The following ZNF267 variants were observed in gnomAD, a reference collection of about 807,000 sequenced individuals.
ZNF267 encodes zinc finger (C2H2).
ZNF267 carries 61 observed loss-of-function variants against 71.6 expected under a neutral mutation model. The observed-to-expected ratio is 0.85, with a 90% CI of 0.69 to 1.05. The LOEUF (loss-of-function observed/expected upper bound fraction) is 1.05. Ranked by LOEUF, ZNF267 falls within the 50% of genes least tolerant of loss-of-function variation. The probability of loss-of-function intolerance (pLI) is 0.00; values close to 1 mark genes in which losing one functional copy is unlikely to be tolerated. For synonymous variants in ZNF267, 288 were observed against 293.2 expected (o/e 0.98, Z 0.18); for missense variants, 852 against 870.0 (o/e 0.98, Z 0.26).
chr16:31,896,193 T>A (rs1475319819), intron 3 of ZNF267, among the ~76,000 whole-genome samples: 1 of 150,814 alleles, frequency 6.6e-6, no homozygotes, highest in Non-Finnish European at 1.5e-5. Context: ...AACATTTTTT[T>A]TTAGGGACAG....
chr16:31,903,078 C>G (rs1264056635), intron 3 of ZNF267, among the ~76,000 whole-genome samples: 3 of 152,116 alleles, frequency 2.0e-5, no homozygotes, highest in Admixed American at 2.0e-4. Flanking sequence ...TGTTTATATG[C>G]TGGATTATGT....
At position 31,904,652 on chromosome 16, in the gene ZNF267, G is replaced by A. The variant is rs377281337; in HGVS notation, c.227-9824G>A. On this transcript the variant is annotated intron_variant, in intron 3 of 3. Transcript: ENST00000300870. ...CCATTTGCTTGGTAGATCTTCCTCC[G>A]TCCCTTTATTTTGAGCCTATATGTG... Among the ~76,000 whole-genome samples, 117 of 151,910 alleles carry A rather than the reference G, an allele frequency of 7.7e-4. 2 individuals carry two copies. In the South Asian group the frequency reaches 0.018, roughly 23 times the overall value.
chr16:31,909,719 C>T (rs766243468), intron 3 of ZNF267, among the ~76,000 whole-genome samples: 10 of 152,152 alleles, frequency 6.6e-5, no homozygotes, highest in African/African-American at 1.4e-4. Flanking sequence ...AATAATTTGA[C>T]GACTTCCTTT....
At chr16:31,903,503 G>A (rs1336385230) in intron 3 of ZNF267, among the ~76,000 whole-genome samples, 1 of 152,122 alleles carries the variant, frequency 6.6e-6, no homozygotes, top group African/African-American at 2.4e-5. Context: ...ACTTCTTCCT[G>A]GTTTAGTCTT....
At position 31,885,144 on chromosome 16, in the gene ZNF267, T is replaced by G; in HGVS notation, c.131-17T>G. 6.4e-7 allele frequency: 1 copy of G among 1,574,182 alleles called. No homozygotes were observed. Reference sequence around the variant, plus strand: ...GAACCCTCATTAAGAGTCATGTGAATTTTTCCAATAAAACAGGTCTTGTTG... The same window carrying G: ...GAACCCTCATTAAGAGTCATGTGAAGTTTTCCAATAAAACAGGTCTTGTTG... On this transcript the variant is annotated splice_polypyrimidine_tract_variant and intron_variant, in intron 2 of 3. Transcript: ENST00000300870.
At position 31,905,803 on chromosome 16, in the gene ZNF267, G is replaced by A. The variant is rs531454996; in HGVS notation, c.227-8673G>A. Among the ~76,000 whole-genome samples the A allele has an allele frequency of 9.2e-5, 14 of 152,210 alleles. No individual in the cohort carries two copies. In the East Asian group the frequency reaches 9.6e-4, roughly 10 times the overall value. On this transcript the variant is annotated intron_variant, in intron 3 of 3. Coordinates refer to ENST00000300870, the MANE Select transcript of ZNF267 (RefSeq NM_003414.6). ...TCTCACCTCGTCAAAGTCATTCTCC[G>A]TCCAGCTTTGTTCCATTGATTTTGA...
In ZNF267 at chr16:31,884,630, G is replaced by T; in HGVS notation, c.130+6G>T. The stretch of plus-strand genomic sequence containing the variant: ...CAGAAACCTGGTCTCTCTGGGTGAG[G>T]ATAACTTGCCTTCGGAATATCTAAT... On this transcript the variant is annotated splice_donor_region_variant and intron_variant, in intron 2 of 3. Transcript: ENST00000300870. 3.1e-6 allele frequency: 5 copies of T among 1,608,460 alleles called. No homozygotes were observed. Among genetic ancestry groups the T allele is most frequent in the Non-Finnish European group, 4.2e-6 (5 of 1,178,002 alleles).
At chr16:31,913,031 C>A (rs1323382349) in intron 3 of ZNF267, 3 of 152,106 alleles carry the variant, frequency 2.0e-5, no homozygotes, top group Non-Finnish European at 4.4e-5. Flanking sequence ...TTAGGTGAGG[C>A]CATATTTTAC....
At chr16:31,899,021 C>T (rs1007383108) in intron 3 of ZNF267, among the ~76,000 whole-genome samples, 1 of 152,084 alleles carries the variant, frequency 6.6e-6, no homozygotes. Context: ...TACAGGAGCA[C>T]CCAGATTCAT....
intron 3 of ZNF267, among the ~76,000 whole-genome samples, chr16:31,897,609 A>T (rs906422671): frequency 2.0e-5 from 3 of 152,134 alleles, no homozygotes; most frequent in Admixed American, 6.5e-5. Context: ...GATATTTTAG[A>T]ATATTTTAAT....
chr16:31,882,039 A>G (rs990449345), intron 1 of ZNF267, among the ~76,000 whole-genome samples: 1 of 152,138 alleles, frequency 6.6e-6, no homozygotes. Context: ...TAGCTTTTAT[A>G]GTGATAGGGA....
rs146709580 is a variant in ZNF267 at position 31,903,269 on chromosome 16, C to G, written c.227-11207C>G. 3.0e-3 allele frequency among the ~76,000 whole-genome samples: 461 copies of G among 152,240 alleles called. 4 individuals carry two copies. Among genetic ancestry groups the G allele is most frequent in the African/African-American group, 0.011 (447 of 41,540 alleles). On this transcript the variant is annotated intron_variant, in intron 3 of 3. Coordinates refer to ENST00000300870, the MANE Select transcript of ZNF267 (RefSeq NM_003414.6). Reference sequence around the variant, plus strand: ...TTCTCTTTTTTTGTTGTGTGTCTGCCAGGCTTTGGTCTCAGGATGATGCTG... The same window carrying G: ...TTCTCTTTTTTTGTTGTGTGTCTGCGAGGCTTTGGTCTCAGGATGATGCTG...
intron 3 of ZNF267, among the ~76,000 whole-genome samples, chr16:31,901,625 A>G (rs1429957281): frequency 2.0e-5 from 3 of 146,916 alleles, no homozygotes; most frequent in Non-Finnish European, 4.5e-5. Context: ...CATATCCTTC[A>G]CCCACTTTTT....
intron 3 of ZNF267, among the ~76,000 whole-genome samples, chr16:31,909,122 T>C (rs988585817): frequency 8.7e-5 from 1 of 11,494 alleles, no homozygotes; most frequent in African/African-American, 1.1e-4. Context: ...TTTCTTTTCT[T>C]TTTTTTTTTT....
chr16:31,903,870 T>C (rs954512858), intron 3 of ZNF267, among the ~76,000 whole-genome samples: 2 of 152,172 alleles, frequency 1.3e-5, no homozygotes, highest in African/African-American at 4.8e-5. Flanking sequence ...TTCTTTTAAT[T>C]GTGATGTTAG....
intron 1 of ZNF267, among the ~76,000 whole-genome samples, chr16:31,879,719 G>A (rs979410421): frequency 2.0e-5 from 3 of 152,160 alleles, no homozygotes; most frequent in Admixed American, 6.5e-5. Context: ...ATAAAAATAA[G>A]TTTACAGGGC....
At position 31,915,407 on chromosome 16, in the gene ZNF267, C is replaced by T. The variant is rs113204395; in HGVS notation, c.1158C>T (p.Ser386=). 8.7e-6 allele frequency: 14 copies of T among 1,613,654 alleles called. No homozygotes were observed. Among genetic ancestry groups the T allele is most frequent in the African/African-American group, 6.7e-5 (5 of 75,032 alleles). The change falls in exon 4 of 4, where the codon AGC becomes AGT. Residue 386 remains serine, a synonymous_variant. Coordinates refer to ENST00000300870, the MANE Select transcript of ZNF267 (RefSeq NM_003414.6). The part of the protein sequence containing the change: ...GENLYKCKAC[S]KSFTRSSNLI... Reference sequence around the variant, plus strand: ...ACCTTTACAAATGTAAAGCATGTAGCAAATCTTTTACTCGTTCCTCCAATC... The same window carrying T: ...ACCTTTACAAATGTAAAGCATGTAGTAAATCTTTTACTCGTTCCTCCAATC...
At chr16:31,886,539 C>T (rs2083925651) in intron 3 of ZNF267, among the ~76,000 whole-genome samples, 1 of 152,162 alleles carries the variant, frequency 6.6e-6, no homozygotes, top group Non-Finnish European at 1.5e-5. Context: ...GGTAAAACAG[C>T]TTCATCCCAA....
intron 3 of ZNF267, among the ~76,000 whole-genome samples, chr16:31,898,629 G>A (rs1425902547): frequency 2.0e-5 from 3 of 151,350 alleles, no homozygotes; most frequent in African/African-American, 7.3e-5. Context: ...GGTTACCATA[G>A]ATATTACACA....
Sources: gnomAD v4.1 joint callset for allele counts (sites outside exome capture counted in the v4.1 genomes callset) on GRCh38, gnomAD v4.1.1 for gene constraint, MANE v1.5 for transcripts, NCBI Gene and HGNC (gene_info 2026-07-23, HGNC 2026-07-21) for gene names.